The following ST6GAL1 variants were observed in gnomAD, a reference collection of about 807,000 sequenced individuals.
ST6GAL1 encodes beta-galactoside alpha-2,6-sialyltransferase 1.
Under a neutral mutation model 38.0 loss-of-function variants are expected in ST6GAL1, and 20 were observed. The ratio of observed to expected loss-of-function variants is 0.53; its 90% CI spans 0.37 to 0.77. The LOEUF (loss-of-function observed/expected upper bound fraction) is 0.77. Ranked by LOEUF, ST6GAL1 falls within the 30% of genes least tolerant of loss-of-function variation. ST6GAL1 has a pLI of 0.00. For missense variants in ST6GAL1, 432 were observed against 496.4 expected, an observed-to-expected ratio of 0.87 and a Z score of 1.23; for synonymous variants, 196 against 188.2, an observed-to-expected ratio of 1.04 and a Z score of -0.34.
intron 1 of ST6GAL1, among the ~76,000 whole-genome samples, chr3:186,937,995 A>G (rs1490712340): frequency 6.6e-6 from 1 of 152,196 alleles, no homozygotes; most frequent in African/African-American, 2.4e-5. Context: ...AATTGCTGGA[A>G]CCCAGTAGGC....
At chr3:186,997,479 T>A (rs1255598083) in intron 2 of ST6GAL1, among the ~76,000 whole-genome samples, 5 of 152,104 alleles carry the variant, frequency 3.3e-5, no homozygotes, top group Non-Finnish European at 7.4e-5. Flanking sequence ...AAGGGTTTTA[T>A]GCTGGCCACG....
intron 5 of ST6GAL1, among the ~76,000 whole-genome samples, chr3:187,054,263 C>G (rs1026211196): frequency 2.6e-5 from 4 of 152,264 alleles, no homozygotes; most frequent in African/African-American, 9.6e-5. Context: ...AGTTCGACTT[C>G]CTCTTTTCCT....
Position 186,970,172 on chromosome 3 carries a change from C to G in ST6GAL1, c.-183+6246C>G, listed in dbSNP as rs565004945. Among the ~76,000 whole-genome samples, 41 of 151,858 alleles carry G rather than the reference C, an allele frequency of 2.7e-4. 2 individuals carry two copies. The South Asian group carries it at 8.5e-3, about 32-fold the overall frequency. The stretch of plus-strand genomic sequence containing the variant: ...TTGTGTGTAGGTTAGTATAGGCATC[C>G]CTAGAATCAAGATAGAGAACTATTT... On this transcript the variant is annotated intron_variant, in intron 2 of 7. Transcript: ENST00000169298.
rs1311707312 is a variant in ST6GAL1 at position 187,050,384 on chromosome 3, G to C, written c.608-865G>C. On this transcript the variant is annotated intron_variant, in intron 4 of 7. Transcript: ENST00000169298. ...CCTCCTTCATCAGATAGGTCAACGT[G>C]GGGTAGAGAAACTTTTCCAAGTCTT... 5.3e-5 allele frequency among the ~76,000 whole-genome samples: 8 copies of C among 152,278 alleles called. No individual in the cohort carries two copies. The East Asian group carries it at 1.2e-3, about 22-fold the overall frequency.
intron 5 of ST6GAL1, among the ~76,000 whole-genome samples, chr3:187,059,491 A>ATTTACTC (rs1718835094): frequency 1.3e-5 from 2 of 152,334 alleles, no homozygotes; most frequent in Middle Eastern, 3.4e-3. Context: ...ATTTACTCTT[A>ATTTACTC]ATTAATTCAT....
chr3:187,006,030 A>G (rs965514209), intron 2 of ST6GAL1: 2 of 152,360 alleles, frequency 1.3e-5, no homozygotes, highest in African/African-American at 4.8e-5. Context: ...TATGGCTGCA[A>G]TGTGAGGGCT....
chr3:187,052,815 TAATGGGATGGCTGAGTCA>T (rs1434790537), intron 5 of ST6GAL1, among the ~76,000 whole-genome samples: 2 of 152,244 alleles, frequency 1.3e-5, no homozygotes, highest in Admixed American at 6.5e-5. Context: ...ATATACCCAG[TAATGGGATGGCTGAGTCA>T]AATGGTATTT....
intron 1 of ST6GAL1, among the ~76,000 whole-genome samples, chr3:186,963,311 G>A (rs1481125059): frequency 4.6e-5 from 7 of 152,106 alleles, no homozygotes; most frequent in Admixed American, 3.3e-4. Context: ...TGCAACCTCC[G>A]CCTCCCGGGT....
At chr3:187,066,601 C>CGTGTGTGTGTGT (rs3055152) in intron 5 of ST6GAL1, among the ~76,000 whole-genome samples, 98 of 148,832 alleles carry the variant, frequency 6.6e-4, no homozygotes, top group South Asian at 1.5e-3. Context: ...TGCGTGCGTG[C>CGTGTGTGTGTGT]GTGTGTGTGT....
chr3:186,999,126 T>TG (rs1223827973), intron 2 of ST6GAL1, among the ~76,000 whole-genome samples: 1 of 152,220 alleles, frequency 6.6e-6, no homozygotes, highest in Admixed American at 6.5e-5. Context: ...CAGCTGGCCC[T>TG]GGGGAAGTAA....
chr3:186,944,773 A>T (rs1040532669), intron 1 of ST6GAL1, among the ~76,000 whole-genome samples: 1 of 152,244 alleles, frequency 6.6e-6, no homozygotes, highest in Non-Finnish European at 1.5e-5. Flanking sequence ...GTGGGCCTTC[A>T]AAAGGGTAAT....
At chr3:187,055,878 G>C (rs1414671331) in intron 5 of ST6GAL1, among the ~76,000 whole-genome samples, 2 of 149,758 alleles carry the variant, frequency 1.3e-5, no homozygotes, top group East Asian at 3.9e-4. Context: ...TTTCTGTCTC[G>C]TTGATCCGTC....
At chr3:187,017,955 A>G (rs1025709098) in intron 2 of ST6GAL1, among the ~76,000 whole-genome samples, 8 of 152,188 alleles carry the variant, frequency 5.3e-5, no homozygotes, top group Admixed American at 4.6e-4. Flanking sequence ...TCGGTATTTC[A>G]GTAGAAATCG....
chr3:187,010,562 C>CG (rs1481668302), intron 2 of ST6GAL1, among the ~76,000 whole-genome samples: 1 of 64,614 alleles, frequency 1.5e-5, no homozygotes, highest in African/African-American at 4.3e-5. Flanking sequence ...TAGACTCTCC[C>CG]TTTTCCTTTA....
chr3:187,005,951 T>C (rs1716772619), intron 2 of ST6GAL1, among the ~76,000 whole-genome samples: 1 of 151,936 alleles, frequency 6.6e-6, no homozygotes, highest in Non-Finnish European at 1.5e-5. Flanking sequence ...TTTGACAAGA[T>C]GGTGGGGGGA....
Position 186,993,841 on chromosome 3 carries a change from A to T in ST6GAL1, c.-183+29915A>T, listed in dbSNP as rs77216467. On this transcript the variant is annotated intron_variant, in intron 2 of 7. Transcript: ENST00000169298. ...CAGCATTACTCAGAAGATTTACAAT[A>T]AAAGAGAAAACCTAGCACATTACGT... 8.0e-3 allele frequency among the ~76,000 whole-genome samples: 1,217 copies of T among 152,260 alleles called. 19 individuals carry two copies. The highest frequency in any genetic ancestry group is 0.057 in the East Asian group (294 of 5,172).
chr3:187,073,596 G>C (rs1237093688), intron 6 of ST6GAL1: 4 of 153,948 alleles, frequency 2.6e-5, no homozygotes, highest in Non-Finnish European at 5.8e-5. Context: ...CCTGATGCAG[G>C]CTGCTGTGGC....
intron 1 of ST6GAL1, among the ~76,000 whole-genome samples, chr3:186,936,641 T>G (rs1488430688): frequency 6.6e-6 from 1 of 152,136 alleles, no homozygotes; most frequent in Non-Finnish European, 1.5e-5. Context: ...TTATTCTGAT[T>G]ATAAAAATAA....
chr3:186,977,935 C>T (rs969387114), intron 2 of ST6GAL1, among the ~76,000 whole-genome samples: 3 of 152,124 alleles, frequency 2.0e-5, no homozygotes, highest in Non-Finnish European at 2.9e-5. Flanking sequence ...CAGTCTCGGC[C>T]GGGCGTGGTG....
Sources: gnomAD v4.1 joint callset for allele counts (sites outside exome capture counted in the v4.1 genomes callset) on GRCh38, gnomAD v4.1.1 for gene constraint, MANE v1.5 for transcripts, NCBI Gene and HGNC (gene_info 2026-07-23, HGNC 2026-07-21) for gene names.